TMEM132B: variants seen among roughly 807,000 people sequenced by gnomAD.
TMEM132B encodes transmembrane protein 132B.
A neutral mutation model predicts 90.8 loss-of-function variants in TMEM132B; 18 were observed. The observed-to-expected ratio is 0.20, with a 90% confidence interval of 0.14 to 0.29. The LOEUF is 0.29. Ranked by LOEUF, TMEM132B falls within the 10% of genes least tolerant of loss-of-function variation. The pLI is 1.00. For synonymous variants in TMEM132B, 504 were observed against 523.3 expected, an observed-to-expected ratio of 0.96 and a Z score of 0.50; for missense variants, 1,096 against 1,326.8, an observed-to-expected ratio of 0.83 and a Z score of 2.70.
chr12:125,348,499 GTTTT>G (rs10570406), intron 1 of TMEM132B, among the ~76,000 whole-genome samples: 51 of 137,058 alleles, frequency 3.7e-4, no homozygotes, highest in East Asian at 2.1e-4. Flanking sequence ...TAATTTTTGT[GTTTT>G]TTTTTTTTTT....
At position 125,332,583 on chromosome 12, in the gene TMEM132B, C is replaced by CTTTTTTT. The variant is rs201828438; in HGVS notation, c.68-16840_68-16834dup. On this transcript the variant is annotated intron_variant, in intron 1 of 8. Coordinates refer to ENST00000682704, the MANE Select transcript of TMEM132B (RefSeq NM_001366854.1). ...CTGAGAAATTAATTCAGAGAGTTGG[C>CTTTTTTT]TTTTTTTTTTTTTTTTTTTTTTTTT... 7.6e-5 allele frequency among the ~76,000 whole-genome samples: 4 copies of CTTTTTTT among 52,416 alleles called. 1 individual carries two copies. In the East Asian group the frequency reaches 2.0e-3, roughly 26 times the overall value. 34.4% of individuals were successfully genotyped at this position (52,416 alleles called of 152,430 possible). A position where few individuals can be genotyped will look rare whatever the true frequency, so the allele number is the denominator to read the frequency against.
At chr12:125,585,273 A>G (rs1367523052) in intron 5 of TMEM132B, 1 of 152,136 alleles carries the variant, frequency 6.6e-6, no homozygotes, top group Non-Finnish European at 1.5e-5. Flanking sequence ...ACCTGCACAC[A>G]TAGCCCTGCC....
intron 2 of TMEM132B, among the ~76,000 whole-genome samples, chr12:125,359,914 C>T (rs1385546409): frequency 3.3e-5 from 5 of 152,164 alleles, no homozygotes; most frequent in Non-Finnish European, 7.3e-5. Flanking sequence ...CCCGTCTCTA[C>T]TAAAGATATA....
intron 1 of TMEM132B, among the ~76,000 whole-genome samples, chr12:125,195,394 GTTTTTTTT>G (rs36005995): frequency 1.1e-5 from 1 of 89,906 alleles, no homozygotes; most frequent in African/African-American, 4.2e-5. Flanking sequence ...GGGTTTGCGG[GTTTTTTTT>G]TTTTTTTTTT....
intron 3 of TMEM132B, among the ~76,000 whole-genome samples, chr12:125,440,734 TG>T (rs1880847267): frequency 6.6e-6 from 1 of 152,262 alleles, no homozygotes; most frequent in East Asian, 1.9e-4. Flanking sequence ...CTGTTTCATT[TG>T]TTTTGCTAAG....
At chr12:125,609,447 G>C (rs938262118) in intron 5 of TMEM132B, among the ~76,000 whole-genome samples, 9 of 152,066 alleles carry the variant, frequency 5.9e-5, no homozygotes, top group Non-Finnish European at 1.2e-4. Flanking sequence ...TGTTAGAAAA[G>C]CTGGAATTTT....
chr12:125,639,830 G>A (rs1371108657), intron 5 of TMEM132B, among the ~76,000 whole-genome samples: 1 of 152,216 alleles, frequency 6.6e-6, no homozygotes, highest in East Asian at 1.9e-4. Context: ...GGTGGCATTT[G>A]AGATGCAGTC....
At chr12:125,594,553 G>T (rs1333542897) in intron 5 of TMEM132B, among the ~76,000 whole-genome samples, 6 of 152,200 alleles carry the variant, frequency 3.9e-5, no homozygotes, top group Non-Finnish European at 4.4e-5. Flanking sequence ...AGTATGATCA[G>T]TCTTTTTAAT....
intron 5 of TMEM132B, among the ~76,000 whole-genome samples, chr12:125,618,078 G>GCTC (rs1886033929): frequency 6.6e-6 from 1 of 152,046 alleles, no homozygotes; most frequent in Admixed American, 6.6e-5. Flanking sequence ...CTTATGACCT[G>GCTC]CTCCTCTTCC....
At chr12:125,286,991 C>A (rs959280019) in intron 1 of TMEM132B, among the ~76,000 whole-genome samples, 2 of 150,884 alleles carry the variant, frequency 1.3e-5, no homozygotes, top group Non-Finnish European at 2.9e-5. Flanking sequence ...GCGTGAGCCA[C>A]CAGGTCTGGC....
chr12:125,409,199 G>A (rs1879610260), intron 2 of TMEM132B, among the ~76,000 whole-genome samples: 1 of 152,118 alleles, frequency 6.6e-6, no homozygotes, highest in Admixed American at 6.5e-5. Context: ...AGAGTTGCTG[G>A]GCCCTAGAAT....
At chr12:125,238,618 T>G (rs1404750581) in intron 1 of TMEM132B, among the ~76,000 whole-genome samples, 1 of 152,192 alleles carries the variant, frequency 6.6e-6, no homozygotes, top group Non-Finnish European at 1.5e-5. Context: ...TGAGAAACAT[T>G]TTGTTCGGAA....
intron 3 of TMEM132B, among the ~76,000 whole-genome samples, chr12:125,479,610 A>G (rs1881986338): frequency 6.6e-6 from 1 of 152,210 alleles, no homozygotes; most frequent in African/African-American, 2.4e-5. Context: ...AGATTCATAA[A>G]GCAAGTCCTG....
chr12:125,545,495 G>A (rs1884066174), intron 4 of TMEM132B, among the ~76,000 whole-genome samples: 1 of 152,202 alleles, frequency 6.6e-6, no homozygotes, highest in Non-Finnish European at 1.5e-5. Flanking sequence ...ATGGCACCAT[G>A]ATATTCCTTT....
At chr12:125,397,135 C>G (rs1879191577) in intron 2 of TMEM132B, among the ~76,000 whole-genome samples, 1 of 152,042 alleles carries the variant, frequency 6.6e-6, no homozygotes, top group Non-Finnish European at 1.5e-5. Context: ...CCAGGCCCGG[C>G]TAATTTTTTT....
intron 2 of TMEM132B, among the ~76,000 whole-genome samples, chr12:125,400,201 TG>T (rs1360422511): frequency 6.6e-6 from 1 of 152,196 alleles, no homozygotes; most frequent in Non-Finnish European, 1.5e-5. Context: ...CTTGTAAAAA[TG>T]TGAAATTTCT....
At position 125,332,390 on chromosome 12, in the gene TMEM132B, A is replaced by T. The variant is rs1876802934; in HGVS notation, c.68-17062A>T. ...TGGCAACTCTTGTAGCAGGCAAGTG[A>T]ACAATACATATTTTACTTTCTTTTA... is the stretch of plus-strand genomic sequence containing the variant. On this transcript the variant is annotated intron_variant, in intron 1 of 8. Coordinates refer to ENST00000682704, the MANE Select transcript of TMEM132B (RefSeq NM_001366854.1). Among the ~76,000 whole-genome samples, 3 of 152,060 alleles carry T rather than the reference A, an allele frequency of 2.0e-5. No individual in the cohort carries two copies. The South Asian group carries it at 6.2e-4, about 32-fold the overall frequency.
chr12:125,294,654 C>T (rs1721468322), intron 1 of TMEM132B, among the ~76,000 whole-genome samples: 1 of 152,216 alleles, frequency 6.6e-6, no homozygotes. Flanking sequence ...CAATTCCCTA[C>T]CATACAAACG....
chr12:125,423,575 T>C (rs376309), intron 3 of TMEM132B, among the ~76,000 whole-genome samples: 147,200 of 152,318 alleles, frequency 0.97, 71,334 homozygotes, highest in South Asian at 1. Flanking sequence ...CAGTGGGAAG[T>C]GCTTTGAATT....
Sources: allele counts gnomAD v4.1 joint callset (sites outside exome capture counted in the v4.1 genomes callset), GRCh38; gene constraint gnomAD v4.1.1; transcripts MANE v1.5; gene names NCBI Gene and HGNC (gene_info 2026-07-23, HGNC 2026-07-21).